Variants in ADAMTSL1 observed in about 807,000 individuals in gnomAD.
The protein encoded by ADAMTSL1 is ADAMTS-like protein 1.
Under a neutral mutation model 201.8 loss-of-function variants are expected in ADAMTSL1, and 126 were observed. That is an observed-to-expected ratio of 0.62 (90% CI 0.54 to 0.72). The LOEUF (loss-of-function observed/expected upper bound fraction) is 0.72, where lower values mean the gene tolerates loss of function less well. ADAMTSL1 is among the 30% of genes least tolerant of loss of function. The pLI, the probability that ADAMTSL1 is intolerant of heterozygous loss-of-function variation, is 0.00. For synonymous variants in ADAMTSL1, 1,121 were observed against 903.4 expected (o/e 1.24, Z -4.32); for missense variants, 2,679 against 2,277.8 (o/e 1.18, Z -3.59).
intron 1 of ADAMTSL1, among the ~76,000 whole-genome samples, chr9:18,481,116 G>C (rs1285594112): frequency 6.6e-6 from 1 of 152,194 alleles, no homozygotes; most frequent in Non-Finnish European, 1.5e-5. Context: ...CACAGAGAGG[G>C]AACAGACTCA....
intron 1 of ADAMTSL1, among the ~76,000 whole-genome samples, chr9:17,962,113 C>G (rs148975420): frequency 1.5e-3 from 228 of 152,266 alleles, no homozygotes; most frequent in African/African-American, 5.1e-3. Flanking sequence ...AGATTGGACT[C>G]ACATGTCCTA....
intron 1 of ADAMTSL1, among the ~76,000 whole-genome samples, chr9:18,077,784 A>C (rs1823298090): frequency 6.6e-6 from 1 of 152,206 alleles, no homozygotes; most frequent in Admixed American, 6.6e-5. Context: ...AGAATGGGTA[A>C]AAGAGAGAAA....
chr9:18,876,214 A>G (rs1828138932), intron 23 of ADAMTSL1, among the ~76,000 whole-genome samples: 1 of 151,614 alleles, frequency 6.6e-6, no homozygotes, highest in Non-Finnish European at 1.5e-5. Context: ...CCATCTTTTA[A>G]GTGGAGCATT....
intron 23 of ADAMTSL1, among the ~76,000 whole-genome samples, chr9:18,875,939 A>ATAGT (rs1294810551): frequency 6.6e-6 from 1 of 151,148 alleles, no homozygotes; most frequent in Non-Finnish European, 1.5e-5. Flanking sequence ...TATTATGTGC[A>ATAGT]TAGTTAGGAT....
At chr9:18,384,096 A>G (rs956556479) in intron 2 of ADAMTSL1, among the ~76,000 whole-genome samples, 1 of 152,176 alleles carries the variant, frequency 6.6e-6, no homozygotes, top group African/African-American at 2.4e-5. Context: ...CCAGGGCTAT[A>G]AAGACCTGAT....
chr9:18,171,356 G>T, intron 2 of ADAMTSL1, among the ~76,000 whole-genome samples: 1 of 151,970 alleles, frequency 6.6e-6, no homozygotes, highest in South Asian at 2.1e-4. Flanking sequence ...AAATGAACTT[G>T]TATAAGAATT....
chr9:18,899,760 C>A (rs189582040), intron 26 of ADAMTSL1, among the ~76,000 whole-genome samples: 1 of 152,164 alleles, frequency 6.6e-6, no homozygotes, highest in African/African-American at 2.4e-5. Context: ...ATACTGGACT[C>A]CTTCCACACA....
intron 2 of ADAMTSL1, among the ~76,000 whole-genome samples, chr9:18,305,796 C>A (rs961050054): frequency 2.6e-5 from 4 of 152,200 alleles, no homozygotes; most frequent in African/African-American, 9.6e-5. Flanking sequence ...CAGACTTGAA[C>A]GTTCCTGCCT....
chr9:18,528,347 C>T (rs1245173911), intron 2 of ADAMTSL1, among the ~76,000 whole-genome samples: 1 of 152,106 alleles, frequency 6.6e-6, no homozygotes, highest in East Asian at 1.9e-4. Flanking sequence ...TACTCTCCCT[C>T]CCCACAGCCT....
chr9:18,301,702 A>C (rs557060392), intron 2 of ADAMTSL1, among the ~76,000 whole-genome samples: 1 of 152,168 alleles, frequency 6.6e-6, no homozygotes, highest in African/African-American at 2.4e-5. Flanking sequence ...ATAAGGAGGG[A>C]CTGCTGTACA....
intron 23 of ADAMTSL1, among the ~76,000 whole-genome samples, chr9:18,870,833 T>G (rs939403701): frequency 1.3e-5 from 2 of 152,204 alleles, no homozygotes; most frequent in African/African-American, 4.8e-5. Context: ...TTATGATTGC[T>G]ATCTGCAGGA....
At chr9:18,885,318 G>A (rs36068190) in intron 23 of ADAMTSL1, among the ~76,000 whole-genome samples, 11,291 of 152,204 alleles carry the variant, frequency 0.074, 581 homozygotes, top group Middle Eastern at 0.2. Flanking sequence ...AGCCCTCATG[G>A]CCTGATCACC....
intron 2 of ADAMTSL1, among the ~76,000 whole-genome samples, chr9:18,328,748 A>G (rs1023254272): frequency 6.6e-6 from 1 of 152,202 alleles, no homozygotes; most frequent in South Asian, 2.1e-4. Context: ...TTGTATAACT[A>G]TGAGTTTTTA....
At chr9:18,393,397 C>T (rs1045697386) in intron 2 of ADAMTSL1, among the ~76,000 whole-genome samples, 6 of 152,124 alleles carry the variant, frequency 3.9e-5, no homozygotes, top group Non-Finnish European at 5.9e-5. Flanking sequence ...ACTCACCATC[C>T]CAGTTGTCTC....
At chr9:18,441,051 G>T (rs190213639) in intron 2 of ADAMTSL1, among the ~76,000 whole-genome samples, 2 of 152,158 alleles carry the variant, frequency 1.3e-5, no homozygotes, top group East Asian at 3.9e-4. Context: ...TATGCTATGT[G>T]AAAGAAGCCG....
intron 19 of ADAMTSL1, among the ~76,000 whole-genome samples, chr9:18,789,238 G>C (rs2133814099): frequency 6.6e-6 from 1 of 152,286 alleles, no homozygotes; most frequent in Non-Finnish European, 1.5e-5. Context: ...CATTTCTGTA[G>C]TTTTTTACTA....
intron 2 of ADAMTSL1, among the ~76,000 whole-genome samples, chr9:18,286,091 T>C (rs1245725232): frequency 6.6e-6 from 1 of 152,146 alleles, no homozygotes; most frequent in Admixed American, 6.5e-5. Flanking sequence ...AAGTACTGTT[T>C]AAATAAGAAA....
chr9:18,211,075 C>G (rs1004052363), intron 2 of ADAMTSL1, among the ~76,000 whole-genome samples: 3 of 152,232 alleles, frequency 2.0e-5, no homozygotes, highest in South Asian at 4.1e-4. Context: ...AAGAGAGTCC[C>G]TAGACGACCT....
chr9:18,216,804 T>C (rs180933492), intron 2 of ADAMTSL1, among the ~76,000 whole-genome samples: 36 of 152,292 alleles, frequency 2.4e-4, no homozygotes, highest in African/African-American at 8.4e-4. Context: ...ATTTCAACTT[T>C]TTATTCAGAT....
Sources: gnomAD v4.1 joint callset for allele counts (sites outside exome capture counted in the v4.1 genomes callset) on GRCh38, gnomAD v4.1.1 for gene constraint, MANE v1.5 for transcripts, NCBI Gene and HGNC (gene_info 2026-07-23, HGNC 2026-07-21) for gene names.